ANKIB1: variants seen among roughly 807,000 people sequenced by gnomAD.
The protein encoded by ANKIB1 is ankyrin repeat and IBR domain containing 1, also known as ankyrin repeat and IBR domain-containing protein 1.
A neutral mutation model predicts 122.1 loss-of-function variants in ANKIB1; 43 were observed. That is an observed-to-expected ratio of 0.35 (90% CI 0.28 to 0.45). The LOEUF (loss-of-function observed/expected upper bound fraction) is 0.45, where lower values mean the gene tolerates loss of function less well. Ranked by LOEUF, ANKIB1 falls within the 20% of genes least tolerant of loss-of-function variation. ANKIB1 has a pLI of 1.00. For missense variants in ANKIB1, 992 were observed against 1,329.5 expected, an observed-to-expected ratio of 0.75 and a Z score of 3.95; for synonymous variants, 390 against 442.0, an observed-to-expected ratio of 0.88 and a Z score of 1.48.
At chr7:92,359,986 A>G (rs1288570758) in intron 9 of ANKIB1, among the ~76,000 whole-genome samples, 1 of 152,164 alleles carries the variant, frequency 6.6e-6, no homozygotes, top group Non-Finnish European at 1.5e-5. Context: ...GTAAAACCAC[A>G]ATTATGGAAA....
At chr7:92,344,392 A>G (rs1054691841) in intron 6 of ANKIB1, among the ~76,000 whole-genome samples, 1 of 151,520 alleles carries the variant, frequency 6.6e-6, no homozygotes, top group African/African-American at 2.4e-5. Context: ...TTTGGTAGAG[A>G]CAGGGTTTCA....
chr7:92,248,504 A>C (rs981897615), intron 1 of ANKIB1, among the ~76,000 whole-genome samples: 1 of 152,220 alleles, frequency 6.6e-6, no homozygotes, highest in Non-Finnish European at 1.5e-5. Flanking sequence ...GCTCATTTTC[A>C]TATATAAGTA....
At chr7:92,251,908 A>G (rs570189917) in intron 1 of ANKIB1, among the ~76,000 whole-genome samples, 1 of 152,312 alleles carries the variant, frequency 6.6e-6, no homozygotes, top group South Asian at 2.1e-4. Context: ...AATACATGTT[A>G]CAGTTGGTTG....
At chr7:92,364,969 C>T (rs568408311) in intron 10 of ANKIB1, among the ~76,000 whole-genome samples, 2 of 152,226 alleles carry the variant, frequency 1.3e-5, no homozygotes. Context: ...ACTTGAAGTA[C>T]TTACAGAACA....
At chr7:92,330,805 G>A (rs1372920607) in intron 5 of ANKIB1, among the ~76,000 whole-genome samples, 1 of 152,108 alleles carries the variant, frequency 6.6e-6, no homozygotes, top group Non-Finnish European at 1.5e-5. Flanking sequence ...TTGTGCTACT[G>A]CACTCCAGCC....
In ANKIB1 at chr7:92,317,364, G is replaced by A. The variant is rs75726584; in HGVS notation, c.487-1966G>A. ...ATTCTTCATTTCTAACAAATTCCCAGGAGATACTACTGGTCCCCAGACCAC... is the reference window on the plus strand; with the variant it reads ...ATTCTTCATTTCTAACAAATTCCCAAGAGATACTACTGGTCCCCAGACCAC... On this transcript the variant is annotated intron_variant, in intron 3 of 19. Coordinates refer to ENST00000265742, the MANE Select transcript of ANKIB1 (RefSeq NM_019004.2). Among the ~76,000 whole-genome samples the A allele has an allele frequency of 8.5e-3, 1,289 of 152,166 alleles. 8 individuals carry two copies. The highest frequency in any genetic ancestry group is 0.012 in the Non-Finnish European group (826 of 67,990).
chr7:92,338,907 A>C (rs1585114591), intron 5 of ANKIB1, among the ~76,000 whole-genome samples: 1 of 58,062 alleles, frequency 1.7e-5, no homozygotes, highest in Non-Finnish European at 3.2e-5. Flanking sequence ...GTGAGACTCC[A>C]TCTCAAAAAA....
At chr7:92,390,311 ACT>A (rs1436448873) in intron 15 of ANKIB1, among the ~76,000 whole-genome samples, 195 bp downstream of exon 15, 1 of 152,102 alleles carries the variant, frequency 6.6e-6, no homozygotes, top group Non-Finnish European at 1.5e-5. Flanking sequence ...TAAATTTGTC[ACT>A]CTGCAGGTCT....
intron 5 of ANKIB1, among the ~76,000 whole-genome samples, chr7:92,329,590 T>C (rs185016049): frequency 2.1e-4 from 32 of 152,338 alleles, no homozygotes; most frequent in Admixed American, 1.8e-3. Flanking sequence ...ACTGTATTTC[T>C]AAAAGCCTAT....
At chr7:92,286,505 G>A (rs1437602963) in intron 1 of ANKIB1, among the ~76,000 whole-genome samples, 1 of 147,462 alleles carries the variant, frequency 6.8e-6, no homozygotes, top group South Asian at 2.1e-4. Flanking sequence ...TTGAGACGGA[G>A]TTTCGCTTTT....
intron 2 of ANKIB1, among the ~76,000 whole-genome samples, chr7:92,295,552 T>A (rs1802337540): frequency 6.6e-6 from 1 of 152,152 alleles, no homozygotes; most frequent in Non-Finnish European, 1.5e-5. Context: ...GAACAGTACT[T>A]GTCAGCTGTC....
intron 11 of ANKIB1, among the ~76,000 whole-genome samples, chr7:92,381,999 C>T (rs1215502364): frequency 6.6e-6 from 1 of 151,872 alleles, no homozygotes; most frequent in Non-Finnish European, 1.5e-5. Context: ...GGAGACCCAT[C>T]TCATGTGCAG....
chr7:92,311,053 AT>A (rs1189320209), intron 3 of ANKIB1, among the ~76,000 whole-genome samples: 10 of 152,042 alleles, frequency 6.6e-5, no homozygotes, highest in South Asian at 2.1e-4. Context: ...TAATTTAAAT[AT>A]TTTTTTTCTA....
intron 2 of ANKIB1, among the ~76,000 whole-genome samples, chr7:92,305,304 G>A (rs1802538520): frequency 6.6e-6 from 1 of 152,182 alleles, no homozygotes; most frequent in African/African-American, 2.4e-5. Context: ...CTGGGACCAC[G>A]TTCTTAACCA....
At chr7:92,267,717 A>G (rs556357484) in intron 1 of ANKIB1, among the ~76,000 whole-genome samples, 1 of 152,254 alleles carries the variant, frequency 6.6e-6, no homozygotes, top group African/African-American at 2.4e-5. Flanking sequence ...TATTTTTTCC[A>G]TGTGGATATG....
chr7:92,398,763 T>C lies in ANKIB1; in HGVS notation c.3084T>C (p.Ser1028=), dbSNP rs373232683. Residue 1028 remains serine, a synonymous_variant, in exon 20 of 20, where the codon AGT becomes AGC. Coordinates refer to ENST00000265742, the MANE Select transcript of ANKIB1 (RefSeq NM_019004.2). ...LPEDSMFEDA[S]VSEGRGTQIE... is the part of the protein sequence containing the mutation. The stretch of plus-strand genomic sequence containing the variant: ...AAGATTCAATGTTTGAAGATGCCAG[T>C]GTCAGTGAAGGTAGAGGAACCCAGA... 4.3e-6 allele frequency: 7 copies of C among 1,613,352 alleles called. No homozygotes were observed. Among genetic ancestry groups the C allele is most frequent in the Admixed American group, 1.7e-5 (1 of 59,926 alleles).
At position 92,368,172 on chromosome 7, in the gene ANKIB1, T is replaced by C. The variant is rs540768705; in HGVS notation, c.1487-3305T>C. On this transcript the variant is annotated intron_variant, in intron 10 of 19. Transcript: ENST00000265742. ...CTCTATTTCTAAAAAAAATTAAAAA[T>C]AAAAATTCAGTTTTTAAAAGCAACT... Among the ~76,000 whole-genome samples, 166 of 152,030 alleles carry C rather than the reference T, an allele frequency of 1.1e-3. 1 individual carries two copies. The highest frequency in any genetic ancestry group is 3.8e-3 in the African/African-American group (157 of 41,470).
chr7:92,377,692 C>G (rs1372512602), intron 11 of ANKIB1, among the ~76,000 whole-genome samples: 1 of 152,122 alleles, frequency 6.6e-6, no homozygotes, highest in Non-Finnish European at 1.5e-5. Context: ...TTCAACTCTT[C>G]CAGATATTTT....
chr7:92,259,203 G>T (rs1438566071), intron 1 of ANKIB1, among the ~76,000 whole-genome samples: 1 of 152,110 alleles, frequency 6.6e-6, no homozygotes, highest in Non-Finnish European at 1.5e-5. Context: ...TGAGCCACCT[G>T]CCTCAGCCTT....
Sources: gnomAD v4.1 joint callset for allele counts (sites outside exome capture counted in the v4.1 genomes callset) on GRCh38, gnomAD v4.1.1 for gene constraint, MANE v1.5 for transcripts, NCBI Gene and HGNC (gene_info 2026-07-23, HGNC 2026-07-21) for gene names.